Variants in KLF7 observed in about 807,000 individuals in gnomAD.
KLF7 encodes KLF transcription factor 7.
In KLF7, 2 loss-of-function variants were observed where a neutral mutation model predicts 27.3. That is an observed-to-expected ratio of 0.07 (90% CI 0.03 to 0.23). The LOEUF (loss-of-function observed/expected upper bound fraction) is 0.23. Among genes scored for constraint, KLF7 ranks in the 10% least tolerant of loss-of-function variants. The pLI, the probability that KLF7 is intolerant of heterozygous loss-of-function variation, is 1.00. For synonymous variants in KLF7, 165 were observed against 162.4 expected (o/e 1.02, Z -0.12); for missense variants, 221 against 394.1 (o/e 0.56, Z 3.72).
intron 1 of KLF7, among the ~76,000 whole-genome samples, chr2:207,150,868 T>C (rs1002634059): frequency 1.3e-5 from 2 of 152,194 alleles, no homozygotes; most frequent in East Asian, 1.9e-4. Flanking sequence ...TTTAAATTCT[T>C]TTCCTGCAAA....
intron 2 of KLF7, among the ~76,000 whole-genome samples, chr2:207,096,722 A>G (rs1481053051): frequency 6.6e-6 from 1 of 152,190 alleles, no homozygotes; most frequent in Non-Finnish European, 1.5e-5. Flanking sequence ...GAATTTTGTG[A>G]GGGCAGGGGC....
rs1192434171 is a variant in KLF7 at position 207,165,548 on chromosome 2, A to G, written c.21T>C (p.Tyr7=). 3.7e-6 allele frequency: 6 copies of G among 1,613,838 alleles called. No homozygotes were observed. In the African/African-American group the frequency reaches 4.0e-5, roughly 11 times the overall value. MDVLAS[Y]SIFQELQLVH... ...CAAGTTGTAGCTCCTGGAATATACT[A>G]TAACTAGCCAACACGTCCATGCTGC... is the stretch of plus-strand genomic sequence containing the variant. The change falls in exon 1 of 4, where the codon TAT becomes TAC. Residue 7 remains tyrosine, a synonymous_variant. Coordinates refer to ENST00000309446, the MANE Select transcript of KLF7 (RefSeq NM_003709.4).
intron 2 of KLF7, chr2:207,110,155 A>T (rs2076993982): frequency 6.5e-6 from 1 of 154,842 alleles, no homozygotes. Flanking sequence ...GCAGACATAA[A>T]GTATGTGTCC....
At chr2:207,091,473 T>C (rs1405407138) in intron 2 of KLF7, among the ~76,000 whole-genome samples, 1 of 152,196 alleles carries the variant, frequency 6.6e-6, no homozygotes, top group African/African-American at 2.4e-5. Flanking sequence ...ACAGGCTCCT[T>C]TGTGCCCTGA....
At position 207,074,693 on chromosome 2, in the gene KLF7, T is replaced by A. The variant is rs1034511658; in HGVS notation, c.*6520A>T. On this transcript the variant is annotated 3_prime_UTR_variant, in exon 4 of 4. Transcript: ENST00000309446. The stretch of plus-strand genomic sequence containing the variant: ...CAAAGATCCTTTCCCAATAGGTTCC[T>A]ATTAAACACCATCCCAGAACAAACT... The A allele has an allele frequency of 6.6e-6, 1 of 152,276 alleles. No individual in the cohort carries two copies. The highest frequency in any genetic ancestry group is 2.4e-5 in the African/African-American group (1 of 41,442). 9.4% of individuals were successfully genotyped at this position (152,276 alleles called of 1,614,324 possible). A position where few individuals can be genotyped will look rare whatever the true frequency, so the allele number is the denominator to read the frequency against.
At chr2:207,166,964 C>A, upstream of KLF7, 4 of 842,472 alleles carry the variant, frequency 4.7e-6, no homozygotes, top group Non-Finnish European at 6.1e-6. Context: ...CCCTCCCTCC[C>A]GCGCCTCCTT....
intron 2 of KLF7, among the ~76,000 whole-genome samples, chr2:207,090,978 T>C (rs940539778): frequency 1.3e-5 from 2 of 152,100 alleles, no homozygotes; most frequent in Admixed American, 1.3e-4. Context: ...AACTGGAGGT[T>C]CCTGGAACCT....
intron 1 of KLF7, among the ~76,000 whole-genome samples, chr2:207,132,883 G>A (rs2077675342): frequency 6.6e-6 from 1 of 152,166 alleles, no homozygotes; most frequent in Admixed American, 6.5e-5. Flanking sequence ...CGACCATTAG[G>A]GACATGATGG....
intron 3 of KLF7, among the ~76,000 whole-genome samples, chr2:207,085,452 C>T (rs2076366525): frequency 6.6e-6 from 1 of 152,168 alleles, no homozygotes; most frequent in South Asian, 2.1e-4. Flanking sequence ...CCACCATCAG[C>T]AGCCTCCAAC....
upstream of KLF7, among the ~76,000 whole-genome samples, chr2:207,169,909 C>G (rs917933445): frequency 6.6e-6 from 1 of 152,060 alleles, no homozygotes; most frequent in African/African-American, 2.4e-5. Flanking sequence ...TCAGGCCTCC[C>G]TATTCGTTAA....
At chr2:207,103,438 A>G (rs1323615873) in intron 2 of KLF7, among the ~76,000 whole-genome samples, 4 of 152,236 alleles carry the variant, frequency 2.6e-5, no homozygotes, top group African/African-American at 9.6e-5. Flanking sequence ...CAGACTTTAT[A>G]TTAAAGAGAA....
chr2:207,076,598 G>A lies in KLF7; in HGVS notation c.*4615C>T, dbSNP rs765348255. On this transcript the variant is annotated 3_prime_UTR_variant, in exon 4 of 4. Transcript: ENST00000309446. ...AGCCTCAGGCAGTTCGTCGTGGGAG[G>A]TCACGTTATTTACAAGAAGTTTCTG... 1.3e-5 allele frequency: 2 copies of A among 152,140 alleles called. No individual in the cohort carries two copies. The highest frequency in any genetic ancestry group is 2.9e-5 in the Non-Finnish European group (2 of 68,040). 9.4% of individuals were successfully genotyped at this position (152,140 alleles called of 1,614,324 possible).
chr2:207,090,184 C>T (rs2105876572), intron 2 of KLF7, among the ~76,000 whole-genome samples: 1 of 152,072 alleles, frequency 6.6e-6, no homozygotes, highest in Admixed American at 6.5e-5. Context: ...ACCAAGAGGA[C>T]ATGAAGGAGG....
chr2:207,137,705 C>T (rs1437143181), intron 1 of KLF7, among the ~76,000 whole-genome samples: 1 of 152,082 alleles, frequency 6.6e-6, no homozygotes, highest in Non-Finnish European at 1.5e-5. Flanking sequence ...GCATAGTGTG[C>T]CACTGTTAAT....
At position 207,078,064 on chromosome 2, in the gene KLF7, T is replaced by C. The variant is rs2076207813; in HGVS notation, c.*3149A>G. On this transcript the variant is annotated 3_prime_UTR_variant, in exon 4 of 4. Transcript: ENST00000309446. ...TACTTCTTGGAAAACCTGCTCGCTC[T>C]AGCGGCTCTTAGTAACCATCTCTGC... is the stretch of plus-strand genomic sequence containing the variant. 6.6e-6 allele frequency: 1 copy of C among 152,236 alleles called. No homozygotes were observed. The highest frequency in any genetic ancestry group is 2.4e-5 in the African/African-American group (1 of 41,476). 9.4% of individuals were successfully genotyped at this position (152,236 alleles called of 1,614,324 possible).
intron 1 of KLF7, among the ~76,000 whole-genome samples, chr2:207,144,162 G>C (rs1391719499): frequency 1.6e-4 from 15 of 96,586 alleles, no homozygotes; most frequent in East Asian, 6.5e-4. Flanking sequence ...GTCACAGCGG[G>C]GGGGAGAAAA....
rs112493887 is a variant in KLF7, at chr2:207,116,658, T to C, written c.733+7116A>G. Among the ~76,000 whole-genome samples the C allele has an allele frequency of 5.5e-3, 836 of 152,322 alleles. 3 individuals carry two copies. The highest frequency in any genetic ancestry group is 7.2e-3 in the Non-Finnish European group (491 of 68,030). On this transcript the variant is annotated intron_variant, in intron 2 of 3. Transcript: ENST00000309446. ...TAATAGAAACAGCCTCTGTACATTA[T>C]CAATTTATTAAAAGGAACAGTTTTT...
chr2:207,097,722 G>A (rs2076666334), intron 2 of KLF7, among the ~76,000 whole-genome samples: 1 of 152,210 alleles, frequency 6.6e-6, no homozygotes. Flanking sequence ...TACCAACCCA[G>A]ATGCTGAAAC....
chr2:207,171,771 T>C (rs1276949318), upstream of KLF7, among the ~76,000 whole-genome samples: 1 of 152,162 alleles, frequency 6.6e-6, no homozygotes, highest in Admixed American at 6.5e-5. Flanking sequence ...TACTATAGAG[T>C]ATAGGGTAAA....
Sources: allele counts gnomAD v4.1 joint callset (sites outside exome capture counted in the v4.1 genomes callset), GRCh38; gene constraint gnomAD v4.1.1; transcripts MANE v1.5; gene names NCBI Gene and HGNC (gene_info 2026-07-23, HGNC 2026-07-21).